ATG7: variants seen among roughly 807,000 people sequenced by gnomAD.
ATG7 encodes ubiquitin-like modifier-activating enzyme ATG7.
Under a neutral mutation model 82.4 loss-of-function variants are expected in ATG7, and 70 were observed. The ratio of observed to expected loss-of-function variants is 0.85; its 90% CI spans 0.70 to 1.04. The LOEUF is 1.04. Ranked by LOEUF, ATG7 falls within the 50% of genes least tolerant of loss-of-function variation. The pLI is 0.00. For missense variants in ATG7, 792 were observed against 864.3 expected (o/e 0.92, Z 1.05); for synonymous variants, 287 against 313.0 (o/e 0.92, Z 0.88).
At chr3:11,381,008 A>G (rs1320863962) in intron 19 of ATG7, among the ~76,000 whole-genome samples, 2 of 152,244 alleles carry the variant, frequency 1.3e-5, no homozygotes, top group Non-Finnish European at 2.9e-5. Context: ...AATTGAATGT[A>G]GAATTGACAA....
intron 15 of ATG7, among the ~76,000 whole-genome samples, chr3:11,359,391 A>G (rs1225048710): frequency 1.3e-5 from 2 of 152,200 alleles, no homozygotes; most frequent in East Asian, 1.9e-4. Context: ...TTGTTATAGT[A>G]TAATGAAAAA....
chr3:11,317,653 C>T (rs1301830625), intron 9 of ATG7, among the ~76,000 whole-genome samples: 5 of 144,850 alleles, frequency 3.5e-5, no homozygotes, highest in Non-Finnish European at 7.4e-5. Context: ...AGTACAGTGG[C>T]ACGATCTCGG....
At chr3:11,541,044 T>A (rs563843003) in intron 20 of ATG7, among the ~76,000 whole-genome samples, 1 of 151,794 alleles carries the variant, frequency 6.6e-6, no homozygotes, top group Non-Finnish European at 1.5e-5. Flanking sequence ...GGACTACAGG[T>A]GCCCACCACC....
In ATG7 at chr3:11,383,408, C is replaced by T. The variant is rs2078064828; in HGVS notation, c.1956+3356C>T. On this transcript the variant is annotated intron_variant, in intron 19 of 20. Coordinates refer to ENST00000693202, the MANE Select transcript of ATG7 (RefSeq NM_001349232.2). ...AATACCAAAGAAGTGATGCTGTCTC[C>T]TCATGTCAGGAGTTATATAATATAT... 3.3e-5 allele frequency among the ~76,000 whole-genome samples: 5 copies of T among 152,116 alleles called. No individual in the cohort carries two copies. The South Asian group carries it at 1.0e-3, about 32-fold the overall frequency.
chr3:11,431,559 T>G (rs1217494032), intron 20 of ATG7, among the ~76,000 whole-genome samples: 1 of 152,294 alleles, frequency 6.6e-6, no homozygotes, highest in East Asian at 1.9e-4. Flanking sequence ...CCCTGTTCCC[T>G]CCTCCTTCCA....
intron 11 of ATG7, among the ~76,000 whole-genome samples, chr3:11,338,972 G>C (rs1367562777): frequency 6.6e-6 from 1 of 152,126 alleles, no homozygotes; most frequent in Non-Finnish European, 1.5e-5. Context: ...GATCTTGATA[G>C]AAATTCAAAA....
intron 20 of ATG7, among the ~76,000 whole-genome samples, chr3:11,435,099 G>T (rs2083256190): frequency 6.6e-6 from 1 of 152,004 alleles, no homozygotes; most frequent in Non-Finnish European, 1.5e-5. Context: ...GAAAAAGATG[G>T]ATAATTTTTA....
chr3:11,416,590 T>A (rs1416940595), intron 19 of ATG7, among the ~76,000 whole-genome samples: 1 of 152,128 alleles, frequency 6.6e-6, no homozygotes, highest in Non-Finnish European at 1.5e-5. Context: ...AAAAAGTGAT[T>A]CTCTCTTTTT....
At chr3:11,547,981 A>G (rs1456159047) in intron 20 of ATG7, among the ~76,000 whole-genome samples, 2 of 152,106 alleles carry the variant, frequency 1.3e-5, no homozygotes, top group East Asian at 1.9e-4. Flanking sequence ...AGCTGGGACT[A>G]TAGGTGTGCA....
At chr3:11,323,886 T>A (rs867626608) in intron 9 of ATG7, among the ~76,000 whole-genome samples, 9 of 152,212 alleles carry the variant, frequency 5.9e-5, no homozygotes, top group African/African-American at 1.9e-4. Flanking sequence ...TTATATCAAG[T>A]GTTTGAGTTC....
chr3:11,285,945 C>G (rs562646194), intron 3 of ATG7, among the ~76,000 whole-genome samples: 16 of 152,338 alleles, frequency 1.1e-4, no homozygotes, highest in African/African-American at 3.6e-4. Context: ...TTTGTGGTCT[C>G]TTTCAGTCTG....
chr3:11,275,912 TG>T (rs1252546384), intron 1 of ATG7, among the ~76,000 whole-genome samples: 1 of 152,174 alleles, frequency 6.6e-6, no homozygotes, highest in Admixed American at 6.5e-5. Flanking sequence ...AGCCTCTCTT[TG>T]AGTGTGTGGT....
chr3:11,284,174 T>A (rs1010370747), intron 3 of ATG7, among the ~76,000 whole-genome samples: 57 of 152,306 alleles, frequency 3.7e-4, no homozygotes, highest in African/African-American at 1.3e-3. Context: ...CTTCTTCATT[T>A]AAAAAATCCT....
intron 20 of ATG7, among the ~76,000 whole-genome samples, chr3:11,535,345 ATC>A (rs1398219413): frequency 6.6e-6 from 1 of 152,116 alleles, no homozygotes; most frequent in African/African-American, 2.4e-5. Context: ...CGTGTTACTC[ATC>A]TCTGTCTCCC....
At chr3:11,273,070 C>CGT (rs756842976) in intron 1 of ATG7, among the ~76,000 whole-genome samples, 1 of 152,132 alleles carries the variant, frequency 6.6e-6, no homozygotes. Flanking sequence ...CAAGCCAAAC[C>CGT]GTGTGTGTGT....
At chr3:11,549,988 GTCTTT>G (rs1380568610) in intron 20 of ATG7, among the ~76,000 whole-genome samples, 2 of 152,142 alleles carry the variant, frequency 1.3e-5, no homozygotes, top group Non-Finnish European at 1.5e-5. Flanking sequence ...CAAACTGCAC[GTCTTT>G]TCTTATTTGC....
intron 19 of ATG7, among the ~76,000 whole-genome samples, chr3:11,422,363 G>T (rs547836644): frequency 6.6e-6 from 1 of 152,098 alleles, no homozygotes; most frequent in South Asian, 2.1e-4. Flanking sequence ...TTGCTGCTTC[G>T]CCTCTCACTT....
At chr3:11,485,487 G>A (rs1398292795) in intron 20 of ATG7, among the ~76,000 whole-genome samples, 2 of 151,982 alleles carry the variant, frequency 1.3e-5, no homozygotes, top group Non-Finnish European at 1.5e-5. Flanking sequence ...CCCATTTTGT[G>A]GGTTGCCTGT....
intron 19 of ATG7, among the ~76,000 whole-genome samples, chr3:11,417,522 AT>A (rs1559577554): frequency 1.3e-5 from 2 of 151,958 alleles, no homozygotes; most frequent in Admixed American, 6.6e-5. Context: ...AGCATGGCGT[AT>A]TTTTTTCCAT....
Sources: allele counts gnomAD v4.1 joint callset (sites outside exome capture counted in the v4.1 genomes callset), GRCh38; gene constraint gnomAD v4.1.1; transcripts MANE v1.5; gene names NCBI Gene and HGNC (gene_info 2026-07-23, HGNC 2026-07-21).